Variants in ZBED6 observed in about 807,000 individuals in gnomAD.
The protein encoded by ZBED6 is zinc finger BED domain-containing protein 6.
In ZBED6, 40 loss-of-function variants were observed where a neutral mutation model predicts 58.4. The observed-to-expected ratio is 0.68, with a 90% CI of 0.53 to 0.89. ZBED6 has a LOEUF of 0.89. ZBED6 is among the 40% of genes least tolerant of loss of function. The pLI is 0.00. For missense variants in ZBED6, 1,057 were observed against 1,003.9 expected (o/e 1.05, Z -0.71); for synonymous variants, 439 against 350.6 (o/e 1.25, Z -2.82).
exon 1 of ZBED6, chr1:203,796,281 A>T (rs1254684497): frequency 2.5e-6 from 1 of 396,478 alleles, no homozygotes; most frequent in Non-Finnish European, 4.4e-6. Flanking sequence ...ACCTACTCTC[A>T]TTCCTCTCCA....
In ZBED6 at chr1:203,829,558, C is replaced by T. The variant is rs151199762; in HGVS notation, c.*3105C>T. 134 of 1,614,012 alleles carry T rather than the reference C, an allele frequency of 8.3e-5. 1 individual carries two copies. The East Asian group carries it at 1.2e-3, about 14-fold the overall frequency. ...CCAGTCCAATCCTTCCCCTCAGCTG[C>T]GGAGCGTTATGAAAGTAGAAAGTTC... is the stretch of plus-strand genomic sequence containing the variant. On this transcript the variant is annotated 3_prime_UTR_variant, in exon 5 of 17. Coordinates refer to ENST00000550078, the Ensembl canonical transcript of ZBED6.
At chr1:203,798,888 G>A in exon 1 of ZBED6, 1 of 1,536,010 alleles carries the variant, frequency 6.5e-7, no homozygotes, top group Non-Finnish European at 8.7e-7. Flanking sequence ...TTTCACTAAG[G>A]CTGTACCTCA....
At chr1:203,847,040 T>G (rs749759236) in intron 11 of ZBED6, 144 bp from the exon 12 acceptor site, 6 of 886,138 alleles carry the variant, frequency 6.8e-6, no homozygotes, top group Non-Finnish European at 1.0e-5. Flanking sequence ...GGAAAAGAAA[T>G]AAATGTTACC....
At chr1:203,828,516 C>T (rs1045484606) in intron 4 of ZBED6, 94 bp downstream of exon 4, 1 of 1,409,590 alleles carries the variant, frequency 7.1e-7, no homozygotes, top group Non-Finnish European at 9.7e-7. Context: ...TCCTTTCAGT[C>T]TTGTGAAACA....
chr1:203,833,927 T>G, intron 9 of ZBED6, 74 bp downstream of exon 9: 3 of 1,529,362 alleles, frequency 2.0e-6, no homozygotes. Flanking sequence ...TCCAAACTCT[T>G]TTTATACAGA....
exon 1 of ZBED6, chr1:203,802,725 TTTTTTTTTTG>T (rs1670924078): frequency 8.7e-6 from 1 of 114,660 alleles, no homozygotes; most frequent in Non-Finnish European, 2.0e-5. Context: ...TTTTTTTTTG[TTTTTTTTTTG>T]TTTTGTTTTG....
intron 10 of ZBED6, among the ~76,000 whole-genome samples, chr1:203,839,465 C>G (rs1011660789): frequency 6.6e-6 from 1 of 150,950 alleles, no homozygotes; most frequent in African/African-American, 2.4e-5. Context: ...GTGTTTTTTT[C>G]CTTCTCATTG....
chr1:203,799,214 C>A (rs750347745), exon 1 of ZBED6: 89 of 983,692 alleles, frequency 9.0e-5, no homozygotes, highest in Non-Finnish European at 1.9e-5. Flanking sequence ...TTGTTTCTGA[C>A]AATTCCTCTA....
At chr1:203,833,622 T>TTTTTTTTTC (rs1553267375) in intron 8 of ZBED6, among the ~76,000 whole-genome samples, 169 bp from the exon 9 acceptor site, 1 of 148,224 alleles carries the variant, frequency 6.7e-6, no homozygotes, top group African/African-American at 2.5e-5. Flanking sequence ...GTTTGGGTTT[T>TTTTTTTTTC]TTTTTTTTTT....
intron 11 of ZBED6, among the ~76,000 whole-genome samples, chr1:203,846,886 C>G (rs929249317): frequency 2.6e-5 from 4 of 151,928 alleles, no homozygotes; most frequent in African/African-American, 9.7e-5. Flanking sequence ...TACCTGTAGT[C>G]CCAGCTACTT....
chr1:203,817,716 T>C (rs1302597942), intron 2 of ZBED6, among the ~76,000 whole-genome samples: 1 of 152,058 alleles, frequency 6.6e-6, no homozygotes, highest in Non-Finnish European at 1.5e-5. Context: ...TAAACGTATA[T>C]GTTAAAAAAA....
intron 1 of ZBED6, chr1:203,805,712 C>T (rs1672087072): frequency 1.5e-6 from 1 of 660,366 alleles, no homozygotes; most frequent in Non-Finnish European, 2.9e-6. Flanking sequence ...ATTGCAGGTG[C>T]AGATGCTGGC....
chr1:203,797,986 A>C, exon 1 of ZBED6: 4 of 1,535,040 alleles, frequency 2.6e-6, no homozygotes, highest in Non-Finnish European at 3.5e-6. Context: ...AACCTCTGTG[A>C]GAAAAGCGTC....
In ZBED6 at chr1:203,797,259, G is replaced by C; in HGVS notation, c.-264G>C. 1 of 261,018 alleles carries C rather than the reference G, an allele frequency of 3.8e-6. No homozygotes were observed. The highest frequency in any genetic ancestry group is 7.2e-6 in the Non-Finnish European group (1 of 138,180). 16.2% of individuals were successfully genotyped at this position (261,018 alleles called of 1,614,324 possible). A position where few individuals can be genotyped will look rare whatever the true frequency, so the allele number is the denominator to read the frequency against. On this transcript the variant is annotated 5_prime_UTR_variant, in exon 1 of 17. An upstream start codon of the reference 5' UTR is lost. Transcript: ENST00000550078. Reference sequence around the variant, plus strand: ...GACTCAGTTCTTACTTCTGTAACATGAGGACACTGGACTATTTGAATTCAG... The same window carrying C: ...GACTCAGTTCTTACTTCTGTAACATCAGGACACTGGACTATTTGAATTCAG...
intron 3 of ZBED6, among the ~76,000 whole-genome samples, chr1:203,822,510 A>T (rs909070539): frequency 6.6e-6 from 1 of 151,960 alleles, no homozygotes; most frequent in African/African-American, 2.4e-5. Flanking sequence ...CTCACATGTG[A>T]GATGCTGTCC....
intron 2 of ZBED6, among the ~76,000 whole-genome samples, chr1:203,818,198 A>G (rs908141236): frequency 6.6e-6 from 1 of 152,120 alleles, no homozygotes; most frequent in Non-Finnish European, 1.5e-5. Flanking sequence ...TGTTAATTAT[A>G]TTTAAATTCT....
In ZBED6 at chr1:203,825,593, C is replaced by G. The variant is rs1193357683; in HGVS notation, c.*2874-2706C>G. On this transcript the variant is annotated intron_variant, in intron 3 of 16. Transcript: ENST00000550078. ...GGGACTACAGGCGCCCTCCACCATGCCCAGCTAATTTTTGTATTTTTTAGT... is the reference window on the plus strand; with the variant it reads ...GGGACTACAGGCGCCCTCCACCATGGCCAGCTAATTTTTGTATTTTTTAGT... Among the ~76,000 whole-genome samples the G allele has an allele frequency of 3.3e-5, 5 of 152,070 alleles. No homozygotes were observed. In the East Asian group the frequency reaches 5.8e-4, roughly 18 times the overall value.
At chr1:203,821,331 T>A (rs1678617878) in intron 3 of ZBED6, among the ~76,000 whole-genome samples, 1 of 152,162 alleles carries the variant, frequency 6.6e-6, no homozygotes. Flanking sequence ...TTAAATAAAT[T>A]TCCCAGTCTC....
At chr1:203,818,939 T>C (rs920510644) in intron 3 of ZBED6, among the ~76,000 whole-genome samples, 21 of 151,320 alleles carry the variant, frequency 1.4e-4, no homozygotes, top group Admixed American at 4.0e-4. Flanking sequence ...TGTGGTGGCA[T>C]GTGCCTGTAA....
Sources: gnomAD v4.1 joint callset for allele counts (sites outside exome capture counted in the v4.1 genomes callset) on GRCh38, gnomAD v4.1.1 for gene constraint, MANE v1.5 for transcripts, NCBI Gene and HGNC (gene_info 2026-07-23, HGNC 2026-07-21) for gene names.